KLF12: variants seen among roughly 807,000 people sequenced by gnomAD.
The protein encoded by KLF12 is KLF transcription factor 12.
A neutral mutation model predicts 37.8 loss-of-function variants in KLF12; 9 were observed. The observed-to-expected ratio is 0.24, with a 90% CI of 0.14 to 0.42. The LOEUF is 0.42. Ranked by LOEUF, KLF12 falls within the 10% of genes least tolerant of loss-of-function variation. KLF12 has a pLI of 1.00. For synonymous variants in KLF12, 208 were observed against 202.1 expected (o/e 1.03, Z -0.25); for missense variants, 411 against 516.0 (o/e 0.80, Z 1.97).
the KLF12 span, among the ~76,000 whole-genome samples, chr13:74,181,793 T>C: frequency 1.3e-5 from 2 of 152,146 alleles, no homozygotes; most frequent in Non-Finnish European, 2.9e-5. Context: ...TGATTTTATT[T>C]GACTGTATAC....
At chr13:74,232,445 G>T in the KLF12 span, among the ~76,000 whole-genome samples, 3 of 152,054 alleles carry the variant, frequency 2.0e-5, no homozygotes, top group African/African-American at 7.2e-5. Context: ...ATTCATATAT[G>T]TTTGTATTAT....
chr13:73,834,500 CATTTTATCTT>C (rs1884325477), intron 4 of KLF12, among the ~76,000 whole-genome samples: 1 of 152,134 alleles, frequency 6.6e-6, no homozygotes, highest in South Asian at 2.1e-4. Context: ...CATTTATTTT[CATTTTATCTT>C]ATTTTATTTT....
intron 1 of KLF12, among the ~76,000 whole-genome samples, chr13:74,089,472 G>A (rs1204031804): frequency 1.3e-5 from 2 of 151,966 alleles, no homozygotes; most frequent in Non-Finnish European, 2.9e-5. Context: ...AATTATCTAG[G>A]TATTTAAAAA....
At chr13:73,903,048 T>C (rs539662945) in intron 3 of KLF12, among the ~76,000 whole-genome samples, 6 of 152,384 alleles carry the variant, frequency 3.9e-5, no homozygotes, top group South Asian at 4.1e-4. Flanking sequence ...AAATTATCTT[T>C]ATAATTATTT....
At chr13:74,065,734 C>G (rs146117919) in intron 1 of KLF12, among the ~76,000 whole-genome samples, 1 of 151,976 alleles carries the variant, frequency 6.6e-6, no homozygotes, top group African/African-American at 2.4e-5. Context: ...GCATGAGCAA[C>G]GTGGCTTGGG....
intron 1 of KLF12, among the ~76,000 whole-genome samples, chr13:74,080,933 C>T (rs1287184112): frequency 6.6e-6 from 1 of 152,188 alleles, no homozygotes; most frequent in Non-Finnish European, 1.5e-5. Flanking sequence ...TATCACTGAA[C>T]TGATAACAGT....
At chr13:73,804,972 G>A (rs909338847) in intron 5 of KLF12, among the ~76,000 whole-genome samples, 12 of 152,156 alleles carry the variant, frequency 7.9e-5, no homozygotes, top group African/African-American at 2.7e-4. Flanking sequence ...AAATACATGA[G>A]CTTTCTTGGG....
chr13:74,093,748 G>A (rs756124575), intron 1 of KLF12, among the ~76,000 whole-genome samples: 2 of 151,040 alleles, frequency 1.3e-5, no homozygotes, highest in Non-Finnish European at 3.0e-5. Context: ...TAGTGAGAGA[G>A]CCTGTATTCA....
At chr13:73,720,823 G>A (rs978299433) in intron 6 of KLF12, among the ~76,000 whole-genome samples, 3 of 152,076 alleles carry the variant, frequency 2.0e-5, no homozygotes, top group Non-Finnish European at 4.4e-5. Context: ...AAGACCACTC[G>A]TCATGTGTGA....
At chr13:74,146,569 A>G in the KLF12 span, among the ~76,000 whole-genome samples, 1 of 152,216 alleles carries the variant, frequency 6.6e-6, no homozygotes. Flanking sequence ...TCTGTCTAAT[A>G]TGTTTTCTTT....
chr13:73,922,637 A>T (rs938961649), intron 3 of KLF12, among the ~76,000 whole-genome samples: 1 of 152,178 alleles, frequency 6.6e-6, no homozygotes, highest in Non-Finnish European at 1.5e-5. Flanking sequence ...TTCTCTGTAC[A>T]CTGTATCCCA....
the KLF12 span, among the ~76,000 whole-genome samples, chr13:74,270,965 G>A: frequency 7.9e-5 from 12 of 152,120 alleles, no homozygotes; most frequent in African/African-American, 2.7e-4. Flanking sequence ...GGCTGGTACC[G>A]GTTCATGGCC....
chr13:74,092,332 C>T (rs1488404831), intron 1 of KLF12, among the ~76,000 whole-genome samples: 1 of 147,944 alleles, frequency 6.8e-6, no homozygotes, highest in African/African-American at 2.5e-5. Flanking sequence ...TCATCAAAAT[C>T]AAAAACTTCT....
rs1476680609 is a variant in KLF12 at position 73,692,999 on chromosome 13, T to C, written c.*2491A>G. The C allele has an allele frequency of 6.6e-6, 1 of 152,238 alleles. No individual in the cohort carries two copies. The highest frequency in any genetic ancestry group is 6.5e-5 in the Admixed American group (1 of 15,284). 9.4% of individuals were successfully genotyped at this position (152,238 alleles called of 1,614,324 possible). A position where few individuals can be genotyped will look rare whatever the true frequency, so the allele number is the denominator to read the frequency against. The stretch of plus-strand genomic sequence containing the variant: ...AAGCTGTCACTCAGGAAGATTCCCC[T>C]GCCTGTCAGTTTTATGAATTCTAAA... On this transcript the variant is annotated 3_prime_UTR_variant, in exon 8 of 8. Transcript: ENST00000377669.
chr13:73,903,711 A>C (rs1408302877), intron 3 of KLF12, among the ~76,000 whole-genome samples: 1 of 152,188 alleles, frequency 6.6e-6, no homozygotes, highest in South Asian at 2.1e-4. Context: ...AGGGGTCCCC[A>C]ATGGCCCATG....
intron 6 of KLF12, among the ~76,000 whole-genome samples, chr13:73,760,141 C>T (rs1189608395): frequency 6.6e-6 from 1 of 152,106 alleles, no homozygotes; most frequent in African/African-American, 2.4e-5. Flanking sequence ...AAATGATTCA[C>T]ACCCGGAATG....
the KLF12 span, among the ~76,000 whole-genome samples, chr13:74,158,695 G>A: frequency 4.1e-3 from 626 of 152,186 alleles, 5 homozygotes; most frequent in African/African-American, 0.014. Context: ...ATAGAGTGTT[G>A]GGTAATGTGG....
the KLF12 span, among the ~76,000 whole-genome samples, chr13:74,166,510 C>T: frequency 6.6e-6 from 1 of 152,102 alleles, no homozygotes; most frequent in South Asian, 2.1e-4. Context: ...CTGCAACTAA[C>T]AAATGATTGC....
the KLF12 span, among the ~76,000 whole-genome samples, chr13:74,164,389 T>C: frequency 6.6e-6 from 1 of 152,198 alleles, no homozygotes; most frequent in Non-Finnish European, 1.5e-5. Flanking sequence ...TTAGTCATAT[T>C]TTAATTTTCT....
Sources: allele counts gnomAD v4.1 joint callset (sites outside exome capture counted in the v4.1 genomes callset), GRCh38; gene constraint gnomAD v4.1.1; transcripts MANE v1.5; gene names NCBI Gene and HGNC (gene_info 2026-07-23, HGNC 2026-07-21).